Variants in TADA1 observed in about 807,000 individuals in gnomAD.
The protein encoded by TADA1 is transcriptional adapter 1.
In TADA1, 23 loss-of-function variants were observed where a neutral mutation model predicts 39.3. The ratio of observed to expected loss-of-function variants is 0.58; its 90% confidence interval spans 0.42 to 0.83. TADA1 has a LOEUF of 0.83. TADA1 is among the 40% of genes least tolerant of loss of function. TADA1 has a pLI of 0.00. For missense variants in TADA1, 352 were observed against 408.1 expected (o/e 0.86, Z 1.18); for synonymous variants, 137 against 151.8 (o/e 0.90, Z 0.72).
At chr1:166,867,234 C>T (rs1421795584) in intron 3 of TADA1, among the ~76,000 whole-genome samples, 1 of 152,186 alleles carries the variant, frequency 6.6e-6, no homozygotes, top group Non-Finnish European at 1.5e-5. Flanking sequence ...GTTTTTACTT[C>T]TGATCACTCC....
At chr1:166,862,691 T>C in intron 4 of TADA1, 1 of 457,778 alleles carries the variant, frequency 2.2e-6, no homozygotes, top group South Asian at 2.6e-5. Context: ...TATGGCACTG[T>C]GTTAAAAATA....
intron 3 of TADA1, among the ~76,000 whole-genome samples, chr1:166,865,844 A>C (rs1006847645): frequency 3.3e-5 from 5 of 152,204 alleles, no homozygotes; most frequent in South Asian, 4.2e-4. Flanking sequence ...ACTCAAAAAA[A>C]TTTTTAAGAA....
In TADA1 at chr1:166,860,234, T is replaced by C; in HGVS notation, c.644A>G (p.Gln215Arg). 6.2e-7 allele frequency: 1 copy of C among 1,614,082 alleles called. No individual in the cohort carries two copies. The highest frequency in any genetic ancestry group is 8.5e-7 in the Non-Finnish European group (1 of 1,179,992). Residue 215 changes from glutamine (Q) to arginine (R), a missense_variant, in exon 6 of 8, where the codon CAG becomes CGG. Gln to Arg is a conservative substitution (Grantham distance 43, BLOSUM62 1). Transcript: ENST00000367874. ...KYAFGSNVTPQPYLKNSVVAY... is the reference protein window; with the variant it reads ...KYAFGSNVTPRPYLKNSVVAY... ...TACTACACTATTCTTCAGGTATGGC[T>C]GCGGGGTCACGTTACTGCCAAAGGC... is the stretch of plus-strand genomic sequence containing the variant.
intron 3 of TADA1, among the ~76,000 whole-genome samples, chr1:166,868,311 C>T (rs1022336913): frequency 6.6e-6 from 1 of 152,208 alleles, no homozygotes; most frequent in African/African-American, 2.4e-5. Flanking sequence ...TATCCCCTAC[C>T]TCTTGTTATC....
At chr1:166,863,425 C>G (rs1374346687) in intron 4 of TADA1, among the ~76,000 whole-genome samples, 1 of 152,120 alleles carries the variant, frequency 6.6e-6, no homozygotes, top group Non-Finnish European at 1.5e-5. Context: ...TTCATGACAT[C>G]TCTACTAGTC....
intron 1 of TADA1, among the ~76,000 whole-genome samples, chr1:166,872,719 T>C (rs943443223): frequency 3.3e-5 from 5 of 152,024 alleles, no homozygotes; most frequent in African/African-American, 9.6e-5. Flanking sequence ...TCCCTTCACC[T>C]TCCACCATGA....
At chr1:166,873,408 C>G (rs1165340392) in intron 1 of TADA1, among the ~76,000 whole-genome samples, 1 of 152,176 alleles carries the variant, frequency 6.6e-6, no homozygotes, top group African/African-American at 2.4e-5. Flanking sequence ...TTCCTGGAAG[C>G]AGCTTGGGCA....
At position 166,857,588 on chromosome 1, in the gene TADA1, C is replaced by T. The variant is rs1658306524; in HGVS notation, c.987G>A (p.Lys329=). 6.2e-7 allele frequency: 1 copy of T among 1,614,054 alleles called. No homozygotes were observed. The change falls in exon 8 of 8, where the codon AAG becomes AAA. Residue 329 remains lysine, a synonymous_variant. Coordinates refer to ENST00000367874, the MANE Select transcript of TADA1 (RefSeq NM_053053.4). ...DKVHRQRLAA[K]EGLLLC ...TAATTTAGCACAGCAAAAGCCCCTC[C>T]TTGGCTGCCAAGCGCTGGCGGTGAA...
In TADA1 at chr1:166,863,838, G is replaced by C; in HGVS notation, c.316C>G (p.Arg106Gly). 1 of 1,611,418 alleles carries C rather than the reference G, an allele frequency of 6.2e-7. No individual in the cohort carries two copies. The highest frequency in any genetic ancestry group is 8.5e-7 in the Non-Finnish European group (1 of 1,179,380). ...GAACAACCTACATCAAATTTCTGAC[G>C]AACAGAAGAAAGCTTTTTCTTTCCC... is the stretch of plus-strand genomic sequence containing the variant. ...PKGKKKLSSVRQKFDHRFQPQ... is the reference protein window; with the variant it reads ...PKGKKKLSSVGQKFDHRFQPQ... The change falls in exon 4 of 8, where the codon CGT becomes GGT. Residue 106 changes from arginine to glycine, a missense_variant. Around this residue, in one of 3 missense-constraint regions of TADA1, gnomAD observed 285 missense variants for 310.9 expected, o/e 0.92. Transcript: ENST00000367874.
At chr1:166,861,610 C>G (rs563740286) in intron 5 of TADA1, among the ~76,000 whole-genome samples, 2 of 152,302 alleles carry the variant, frequency 1.3e-5, no homozygotes, top group South Asian at 4.2e-4. Context: ...ATAGGATTCT[C>G]AATTTCATTT....
At chr1:166,868,283 A>G (rs1658578063) in intron 3 of TADA1, among the ~76,000 whole-genome samples, 1 of 152,054 alleles carries the variant, frequency 6.6e-6, no homozygotes, top group Non-Finnish European at 1.5e-5. Context: ...GTTTCCACCT[A>G]CCCCCTCAAC....
In TADA1 at chr1:166,864,270, C is replaced by G. The variant is rs570356530; in HGVS notation, c.233-349G>C. 2.0e-5 allele frequency among the ~76,000 whole-genome samples: 3 copies of G among 152,212 alleles called. No individual in the cohort carries two copies. The East Asian group carries it at 5.8e-4, about 29-fold the overall frequency. On this transcript the variant is annotated intron_variant, in intron 3 of 7. Transcript: ENST00000367874. ...TGAGCACATGTATTTATCTCCTCTC[C>G]CAAGACGCTACAAAATATGAAAGTA...
intron 1 of TADA1, among the ~76,000 whole-genome samples, chr1:166,873,982 C>T (rs1338998703): frequency 1.3e-5 from 2 of 151,704 alleles, no homozygotes; most frequent in Non-Finnish European, 1.5e-5. Flanking sequence ...GGTATGTAAA[C>T]GTTTGCTTTC....
At chr1:166,872,110 C>T (rs1272197161) in intron 1 of TADA1, among the ~76,000 whole-genome samples, 1 of 152,222 alleles carries the variant, frequency 6.6e-6, no homozygotes, top group African/African-American at 2.4e-5. Context: ...TAGCCACAGA[C>T]AAATGACTGT....
chr1:166,869,591 G>T, intron 2 of TADA1, 81 bp from the exon 3 acceptor site: 1 of 1,481,514 alleles, frequency 6.7e-7, no homozygotes, highest in Non-Finnish European at 9.4e-7. Context: ...AGCTTCTCAA[G>T]ATTTTGGATA....
Position 166,858,139 on chromosome 1 carries a change from C to G in TADA1, c.835G>C (p.Asp279His). 3 of 1,614,120 alleles carry G rather than the reference C, an allele frequency of 1.9e-6. No individual in the cohort carries two copies. Among genetic ancestry groups the G allele is most frequent in the Middle Eastern group, 1.6e-4 (1 of 6,062 alleles). The change falls in exon 7 of 8, where the codon GAT (aspartate) becomes CAT (histidine). Residue 279 changes from aspartate (D) to histidine (H), a missense_variant. This residue lies in a region of TADA1 where 285 missense variants were observed against 310.9 expected (regional missense o/e 0.92). Coordinates refer to ENST00000367874, the MANE Select transcript of TADA1 (RefSeq NM_053053.4). ...PASLPPVNMY[D>H]LFEALQVHRE... The stretch of plus-strand genomic sequence containing the variant: ...CTTACCTGCAAAGCTTCAAAAAGAT[C>G]GTACATGTTCACCGGAGGCAAAGAT...
chr1:166,864,847 C>T (rs763412025), intron 3 of TADA1, among the ~76,000 whole-genome samples: 3 of 152,054 alleles, frequency 2.0e-5, no homozygotes, highest in Admixed American at 6.6e-5. Context: ...CTAGTTAAAC[C>T]GAACACAATT....
At chr1:166,863,262 AAAAT>A (rs1196072218) in intron 4 of TADA1, 3 of 153,116 alleles carry the variant, frequency 2.0e-5, no homozygotes, top group Admixed American at 6.5e-5. Context: ...AGTCAAGGTG[AAAAT>A]AAATAATTGT....
chr1:166,876,216 G>A lies in TADA1; in HGVS notation c.18C>T (p.Ser6=), dbSNP rs145303785. Residue 6 remains serine, a synonymous_variant, in exon 1 of 8, where the codon AGC becomes AGT. Transcript: ENST00000367874. ...AGTTCTTCTTGGCCGCCTCCAGCTC[G>A]CTCACAAAGGTCGCCATTGCTCCGC... MATFV[S]ELEAAKKNLS... The A allele has an allele frequency of 1.2e-6, 2 of 1,613,444 alleles. No homozygotes were observed. The highest frequency in any genetic ancestry group is 1.3e-5 in the African/African-American group (1 of 75,018).
Sources: allele counts gnomAD v4.1 joint callset (sites outside exome capture counted in the v4.1 genomes callset), GRCh38; gene constraint gnomAD v4.1.1; regional missense constraint gnomAD v4.1.1; transcripts MANE v1.5; gene names NCBI Gene and HGNC (gene_info 2026-07-23, HGNC 2026-07-21).